The following NUCB2 variants were observed in gnomAD, a reference collection of about 807,000 sequenced individuals.
The protein encoded by NUCB2 is nucleobindin 2, also known as nucleobindin-2.
Under a neutral mutation model 57.9 loss-of-function variants are expected in NUCB2, and 48 were observed. The observed-to-expected ratio is 0.83, with a 90% confidence interval of 0.66 to 1.05. The LOEUF (loss-of-function observed/expected upper bound fraction) is 1.05, where lower values mean the gene tolerates loss of function less well. Ranked by LOEUF, NUCB2 falls within the 50% of genes least tolerant of loss-of-function variation. NUCB2 has a pLI of 0.00. For missense variants in NUCB2, 442 were observed against 476.2 expected (o/e 0.93, Z 0.67); for synonymous variants, 139 against 152.1 (o/e 0.91, Z 0.64).
At chr11:17,321,881 A>G (rs1950068305) in intron 11 of NUCB2, among the ~76,000 whole-genome samples, 1 of 152,160 alleles carries the variant, frequency 6.6e-6, no homozygotes, top group African/African-American at 2.4e-5. Flanking sequence ...CCTGTTTGCC[A>G]TTTTATGTCT....
chr11:17,334,473 A>T (rs555328245), downstream of NUCB2: 3 of 152,402 alleles, frequency 2.0e-5, no homozygotes, highest in South Asian at 6.2e-4. Context: ...TCTGAGTAAA[A>T]GTCTCAAGTG....
downstream of NUCB2, among the ~76,000 whole-genome samples, chr11:17,337,101 C>T (rs192558525): frequency 7.0e-3 from 1,055 of 151,798 alleles, 13 homozygotes; most frequent in African/African-American, 0.024. Context: ...CTTCCATGCC[C>T]GGCTAATTTT....
intron 2 of NUCB2, among the ~76,000 whole-genome samples, chr11:17,344,841 G>T (rs1419559169): frequency 6.6e-6 from 1 of 152,212 alleles, no homozygotes; most frequent in Non-Finnish European, 1.5e-5. Flanking sequence ...TGGCTCTGGT[G>T]ACTTCCTGAT....
intron 4 of NUCB2, among the ~76,000 whole-genome samples, chr11:17,298,081 CAA>C (rs34329500): frequency 0.022 from 1,841 of 82,726 alleles, 18 homozygotes; most frequent in African/African-American, 0.073. Flanking sequence ...GACTTCGTCT[CAA>C]AAAAAAAAAA....
chr11:17,313,089 C>T (rs1265833181), intron 10 of NUCB2, among the ~76,000 whole-genome samples: 1 of 151,526 alleles, frequency 6.6e-6, no homozygotes, highest in Non-Finnish European at 1.5e-5. Flanking sequence ...TTTTTGGAGA[C>T]ACAAGGTCTT....
At chr11:17,340,924 T>C (rs1312560046) in intron 2 of NUCB2, among the ~76,000 whole-genome samples, 1 of 152,218 alleles carries the variant, frequency 6.6e-6, no homozygotes, top group Non-Finnish European at 1.5e-5. Flanking sequence ...GTATGGCCAT[T>C]TTCACAATAT....
chr11:17,340,418 C>T (rs1591633527), intron 2 of NUCB2, among the ~76,000 whole-genome samples: 1 of 152,134 alleles, frequency 6.6e-6, no homozygotes, highest in Non-Finnish European at 1.5e-5. Flanking sequence ...ACATGAGGTC[C>T]TTGCCCATGC....
At chr11:17,334,801 G>C (rs2139533648), downstream of NUCB2, among the ~76,000 whole-genome samples, 1 of 151,508 alleles carries the variant, frequency 6.6e-6, no homozygotes, top group East Asian at 2.0e-4. Flanking sequence ...CAGGAGAATT[G>C]CTTGAGCCTG....
At chr11:17,309,532 C>G in intron 5 of NUCB2, 40 bp from the exon 6 acceptor site, 1 of 1,116,018 alleles carries the variant, frequency 9.0e-7, no homozygotes. Flanking sequence ...TTTCTAGCTT[C>G]TAGAAATTGA....
chr11:17,321,893 C>G (rs1251680576), intron 11 of NUCB2, among the ~76,000 whole-genome samples: 2 of 152,122 alleles, frequency 1.3e-5, no homozygotes, highest in Non-Finnish European at 2.9e-5. Flanking sequence ...TTTATGTCTT[C>G]TTTCGAGAAA....
At chr11:17,325,621 TC>T in intron 11 of NUCB2, among the ~76,000 whole-genome samples, 1 of 152,354 alleles carries the variant, frequency 6.6e-6, no homozygotes, top group South Asian at 2.1e-4. Flanking sequence ...TGTTTTTTCA[TC>T]TATTCAGATG....
intron 4 of NUCB2, among the ~76,000 whole-genome samples, chr11:17,299,544 C>T (rs953208272): frequency 6.6e-6 from 1 of 152,090 alleles, no homozygotes; most frequent in African/African-American, 2.4e-5. Context: ...TATAGAGGCC[C>T]ACTGACTTTT....
intron 11 of NUCB2, among the ~76,000 whole-genome samples, chr11:17,326,498 T>C (rs1442491057): frequency 6.7e-6 from 1 of 150,036 alleles, no homozygotes; most frequent in Non-Finnish European, 1.5e-5. Flanking sequence ...TTTGTATTTT[T>C]AATAGAGACA....
chr11:17,303,941 G>A (rs1392151034), intron 5 of NUCB2, among the ~76,000 whole-genome samples: 1 of 148,702 alleles, frequency 6.7e-6, no homozygotes, highest in African/African-American at 2.5e-5. Context: ...CATGTATGCA[G>A]AAAATCCATT....
chr11:17,347,905 A>G (rs2139692583), intron 2 of NUCB2, among the ~76,000 whole-genome samples: 1 of 152,280 alleles, frequency 6.6e-6, no homozygotes, highest in Non-Finnish European at 1.5e-5. Context: ...CCTAATGGTG[A>G]GAAGGCCAAC....
intron 2 of NUCB2, among the ~76,000 whole-genome samples, chr11:17,294,362 A>G (rs190739822): frequency 6.6e-6 from 1 of 152,270 alleles, no homozygotes; most frequent in East Asian, 1.9e-4. Flanking sequence ...ATCTTGTAAG[A>G]TTTTGTAAGA....
intron 11 of NUCB2, among the ~76,000 whole-genome samples, chr11:17,321,061 G>A (rs1043755372): frequency 6.6e-6 from 1 of 151,908 alleles, no homozygotes; most frequent in Non-Finnish European, 1.5e-5. Flanking sequence ...GGAAAATTGG[G>A]TATCCATCCC....
chr11:17,288,557 T>C (rs1449230627), intron 2 of NUCB2, among the ~76,000 whole-genome samples: 4 of 140,026 alleles, frequency 2.9e-5, no homozygotes, highest in African/African-American at 1.1e-4. Flanking sequence ...TTCTTCTTTT[T>C]TTTTTTTTTT....
At chr11:17,313,430 T>G (rs1948802601) in intron 10 of NUCB2, among the ~76,000 whole-genome samples, 1 of 152,078 alleles carries the variant, frequency 6.6e-6, no homozygotes, top group Admixed American at 6.5e-5. Context: ...CTCGGGAGGC[T>G]GAGGCATGAG....
Sources: allele counts gnomAD v4.1 joint callset (sites outside exome capture counted in the v4.1 genomes callset), GRCh38; gene constraint gnomAD v4.1.1; transcripts MANE v1.5; gene names NCBI Gene and HGNC (gene_info 2026-07-23, HGNC 2026-07-21).